RSBN1L: variants seen among roughly 807,000 people sequenced by gnomAD.
The protein encoded by RSBN1L is round spermatid basic protein 1 like.
Under a neutral mutation model 67.7 loss-of-function variants are expected in RSBN1L, and 30 were observed. That is an observed-to-expected ratio of 0.44 (90% CI 0.33 to 0.60). The LOEUF is 0.60. Among genes scored for constraint, RSBN1L ranks in the 20% least tolerant of loss-of-function variants. RSBN1L has a pLI of 0.02. For missense variants in RSBN1L, 992 were observed against 1,031.7 expected (o/e 0.96, Z 0.53); for synonymous variants, 433 against 387.0 (o/e 1.12, Z -1.39).
At chr7:77,702,991 T>C (rs1035820666) in intron 1 of RSBN1L, among the ~76,000 whole-genome samples, 12 of 152,152 alleles carry the variant, frequency 7.9e-5, no homozygotes, top group Admixed American at 2.0e-4. Context: ...CTTCAACATA[T>C]GGATTTTGGG....
chr7:77,773,345 G>T, intron 6 of RSBN1L, 31 bp downstream of exon 6: 3 of 1,378,752 alleles, frequency 2.2e-6, no homozygotes, highest in African/African-American at 2.9e-5. Flanking sequence ...TTTAATGAAA[G>T]AATTTCTTGG....
At chr7:77,705,517 T>TTTTG (rs1790880109) in intron 1 of RSBN1L, among the ~76,000 whole-genome samples, 1 of 145,500 alleles carries the variant, frequency 6.9e-6, no homozygotes, top group Non-Finnish European at 1.5e-5. Flanking sequence ...ATGGTTTTTT[T>TTTTG]TTTTTTTTTT....
intron 2 of RSBN1L, among the ~76,000 whole-genome samples, chr7:77,744,037 T>C (rs1386512902): frequency 6.6e-6 from 1 of 151,814 alleles, no homozygotes. Flanking sequence ...GTTTTACTTT[T>C]TACATTTATT....
Position 77,779,265 on chromosome 7 carries a change from G to T in RSBN1L, c.*97G>T. On this transcript the variant is annotated 3_prime_UTR_variant, in exon 8 of 8. Transcript: ENST00000334955. ...AAGCCAAGGACTTGCTCCTATGTCT[G>T]TTACAAAACATAGTTTATGTAGCTT... The T allele has an allele frequency of 2.4e-6, 2 of 827,048 alleles. No homozygotes were observed. The highest frequency in any genetic ancestry group is 2.7e-5 in the East Asian group (1 of 37,378). The allele number at this position is 827,048 out of a possible 1,614,324, so 51.2% of individuals were successfully genotyped here.
chr7:77,700,345 T>C lies in RSBN1L; in HGVS notation c.586+3290T>C, dbSNP rs750475692. 1.1e-4 allele frequency among the ~76,000 whole-genome samples: 17 copies of C among 152,218 alleles called. 1 individual carries two copies. Among genetic ancestry groups the C allele is most frequent in the Admixed American group, 1.3e-4 (2 of 15,274 alleles). On this transcript the variant is annotated intron_variant, in intron 1 of 7. Transcript: ENST00000334955. ...GTAACCAGCAAAATTTGTATAGATC[T>C]TCTAACTTTTGTTAGTACTTTTGCT... is the stretch of plus-strand genomic sequence containing the variant.
intron 6 of RSBN1L, among the ~76,000 whole-genome samples, chr7:77,775,859 C>A (rs1265875776): frequency 6.6e-6 from 1 of 152,108 alleles, no homozygotes; most frequent in Non-Finnish European, 1.5e-5. Flanking sequence ...AGTTCCAGAC[C>A]AGCCTGGGCA....
chr7:77,749,943 C>G lies in RSBN1L; in HGVS notation c.1223C>G (p.Ala408Gly). The G allele has an allele frequency of 3.1e-6, 5 of 1,614,040 alleles. No individual in the cohort carries two copies. Among genetic ancestry groups the G allele is most frequent in the Non-Finnish European group, 4.2e-6 (5 of 1,179,972 alleles). Residue 408 changes from alanine (A) to glycine (G), a missense_variant, in exon 3 of 8, where the codon GCT (alanine) becomes GGT (glycine). This residue lies in a region of RSBN1L where 63 missense variants were observed against 84.8 expected (regional missense o/e 0.74). Transcript: ENST00000334955. ...FYVMGIVHGA[A>G]TYLPDFLDYF... Reference sequence around the variant, plus strand: ...GTGATGGGTATTGTTCATGGGGCAGCTACTTATTTACCTGACTTTTTAGAC... The same window carrying G: ...GTGATGGGTATTGTTCATGGGGCAGGTACTTATTTACCTGACTTTTTAGAC...
rs1328233401 is a variant in RSBN1L at position 77,697,009 on chromosome 7, C to T, written c.540C>T (p.Gly180=). 6 of 1,525,770 alleles carry T rather than the reference C, an allele frequency of 3.9e-6. No individual in the cohort carries two copies. In the South Asian group the frequency reaches 6.0e-5, roughly 15 times the overall value. The allele number at this position is 1,525,770 out of a possible 1,614,324, so 94.5% of individuals were successfully genotyped here. Residue 180 remains glycine, a synonymous_variant, in exon 1 of 8, where the codon GGC becomes GGT. Transcript: ENST00000334955. ...GTCTCGGTGGGGCCCGAGAGGCCGG[C>T]GGGGCCTCCCGGGAGGAGAACGGGG... The part of the protein sequence containing the change: ...RHGLGGAREA[G]GASREENGEV...
chr7:77,735,999 A>G (rs1001746836), intron 1 of RSBN1L, among the ~76,000 whole-genome samples: 42 of 152,130 alleles, frequency 2.8e-4, no homozygotes, highest in African/African-American at 9.4e-4. Flanking sequence ...GGAAGGTATC[A>G]ATTACCATTT....
rs778179401 is a variant in RSBN1L at position 77,779,041 on chromosome 7, A to C, written c.2414A>C (p.Lys805Thr). The C allele has an allele frequency of 5.0e-6, 8 of 1,614,062 alleles. No individual in the cohort carries two copies. Among genetic ancestry groups the C allele is most frequent in the Non-Finnish European group, 6.8e-6 (8 of 1,179,954 alleles). Residue 805 changes from lysine to threonine, a missense_variant, in exon 8 of 8, where the codon AAA (lysine) becomes ACA (threonine). Coordinates refer to ENST00000334955, the MANE Select transcript of RSBN1L (RefSeq NM_198467.3). ...GAATTTAAGATTGACATGGATTCTAAATTTGAAAATAGCAACAAAGATTTA... is the reference window on the plus strand; with the variant it reads ...GAATTTAAGATTGACATGGATTCTACATTTGAAAATAGCAACAAAGATTTA... Reference protein sequence around the residue: ...FAEFKIDMDSKFENSNKDLKE... With the variant: ...FAEFKIDMDSTFENSNKDLKE...
chr7:77,742,783 T>C (rs542976306), intron 2 of RSBN1L, among the ~76,000 whole-genome samples: 4 of 152,280 alleles, frequency 2.6e-5, no homozygotes, highest in African/African-American at 7.2e-5. Context: ...GAAGTTGCTG[T>C]GAGCCGATTG....
At chr7:77,760,220 T>C (rs1791682257) in intron 3 of RSBN1L, among the ~76,000 whole-genome samples, 1 of 152,204 alleles carries the variant, frequency 6.6e-6, no homozygotes, top group South Asian at 2.1e-4. Context: ...GATTACATTA[T>C]ATAAGTCGAA....
intron 1 of RSBN1L, among the ~76,000 whole-genome samples, chr7:77,701,170 AC>A (rs370439675): frequency 0.02 from 2,560 of 128,246 alleles, 25 homozygotes; most frequent in Middle Eastern, 0.053. Context: ...AAAAAAAAAA[AC>A]AACAACAACA....
chr7:77,750,030 T>G lies in RSBN1L; in HGVS notation c.1310T>G (p.Ile437Arg). 6.2e-7 allele frequency: 1 copy of G among 1,610,656 alleles called. No homozygotes were observed. Among genetic ancestry groups the G allele is most frequent in the Non-Finnish European group, 8.5e-7 (1 of 1,178,674 alleles). The change falls in exon 3 of 8, where the codon ATA becomes AGA. Residue 437 changes from isoleucine to arginine, a missense_variant. Around this residue, in one of 7 missense-constraint regions of RSBN1L, gnomAD observed 63 missense variants for 84.8 expected, o/e 0.74. Transcript: ENST00000334955. The stretch of plus-strand genomic sequence containing the variant: ...ATGGAGATATTGGGAAAGAAAGATA[T>G]AGAGACAACGACTATGTCCAATTTT... ...VKMEILGKKD[I>R]ETTTMSNFHA... is the part of the protein sequence containing the mutation.
intron 4 of RSBN1L, among the ~76,000 whole-genome samples, chr7:77,767,212 A>G (rs1405228576): frequency 6.6e-6 from 1 of 151,946 alleles, no homozygotes; most frequent in Non-Finnish European, 1.5e-5. Flanking sequence ...TACAGACGTG[A>G]GCCACCCACA....
intron 1 of RSBN1L, 161 bp downstream of exon 1, chr7:77,697,216 G>A: frequency 1.4e-6 from 1 of 726,148 alleles, no homozygotes. Context: ...AGTTCCCAAG[G>A]GGACAGGAAA....
intron 1 of RSBN1L, among the ~76,000 whole-genome samples, chr7:77,724,526 A>G (rs944127157): frequency 6.6e-6 from 1 of 150,606 alleles, no homozygotes; most frequent in Non-Finnish European, 1.5e-5. Context: ...CCTGGGTTCA[A>G]GTGATTCTCC....
chr7:77,703,279 C>T (rs1254554063), intron 1 of RSBN1L, among the ~76,000 whole-genome samples: 1 of 151,932 alleles, frequency 6.6e-6, no homozygotes, highest in African/African-American at 2.4e-5. Flanking sequence ...TCCTAGCGCC[C>T]TCTGATTTCT....
At position 77,765,459 on chromosome 7, in the gene RSBN1L, C is replaced by T. The variant is rs751237041; in HGVS notation, c.1345-36C>T. On this transcript the variant is annotated intron_variant, in intron 3 of 7. Coordinates refer to ENST00000334955, the MANE Select transcript of RSBN1L (RefSeq NM_198467.3). ...ATCCATATTCTTCAGGTAAAAAGAA[C>T]GTATTTAACTTTTAATTAAATCCAT... 3.3e-5 allele frequency: 48 copies of T among 1,448,918 alleles called. No individual in the cohort carries two copies. The East Asian group carries it at 1.0e-3, about 32-fold the overall frequency. 89.8% of individuals were successfully genotyped at this position (1,448,918 alleles called of 1,614,324 possible).
Sources: allele counts gnomAD v4.1 joint callset (sites outside exome capture counted in the v4.1 genomes callset), GRCh38; gene constraint gnomAD v4.1.1; regional missense constraint gnomAD v4.1.1; transcripts MANE v1.5; gene names NCBI Gene and HGNC (gene_info 2026-07-23, HGNC 2026-07-21).